The following UBE2D1 variants were observed in gnomAD, a reference collection of about 807,000 sequenced individuals.
The protein encoded by UBE2D1 is ubiquitin conjugating enzyme E2 D1, also known as ubiquitin-conjugating enzyme E2 D1.
Under a neutral mutation model 24.6 loss-of-function variants are expected in UBE2D1, and 9 were observed. That is an observed-to-expected ratio of 0.37 (90% CI 0.22 to 0.64). The LOEUF is 0.64. Ranked by LOEUF, UBE2D1 falls within the 30% of genes least tolerant of loss-of-function variation. The pLI is 0.64. For missense variants in UBE2D1, 87 were observed against 177.1 expected, an observed-to-expected ratio of 0.49 and a Z score of 2.89; for synonymous variants, 57 against 57.6, an observed-to-expected ratio of 0.99 and a Z score of 0.04.
chr10:58,358,099 T>C (rs915248437), intron 1 of UBE2D1, among the ~76,000 whole-genome samples: 1 of 152,140 alleles, frequency 6.6e-6, no homozygotes, highest in Non-Finnish European at 1.5e-5. Context: ...AATTTGAATA[T>C]GGTTCAAGGC....
At chr10:58,362,332 G>A (rs925826958) in intron 3 of UBE2D1, among the ~76,000 whole-genome samples, 1 of 152,058 alleles carries the variant, frequency 6.6e-6, no homozygotes, top group African/African-American at 2.4e-5. Flanking sequence ...ACGACCTTGT[G>A]TTTAACTTTA....
intron 3 of UBE2D1, among the ~76,000 whole-genome samples, 170 bp downstream of exon 3, chr10:58,361,696 C>G (rs576558437): frequency 6.6e-6 from 1 of 152,016 alleles, no homozygotes; most frequent in South Asian, 2.1e-4. Context: ...GCATTGGTGG[C>G]AAATATTTCC....
chr10:58,355,006 A>C (rs1211280658), intron 1 of UBE2D1, among the ~76,000 whole-genome samples: 3 of 152,224 alleles, frequency 2.0e-5, no homozygotes, highest in African/African-American at 7.2e-5. Context: ...ATCTCGTTAT[A>C]GTCAAGCTTA....
intron 1 of UBE2D1, among the ~76,000 whole-genome samples, chr10:58,352,226 A>G (rs1840084513): frequency 6.6e-6 from 1 of 152,058 alleles, no homozygotes; most frequent in Non-Finnish European, 1.5e-5. Flanking sequence ...TTCCACATCA[A>G]AAGTGGAAGC....
chr10:58,363,710 G>A (rs758394719), intron 4 of UBE2D1, 24 bp downstream of exon 4: 2 of 1,511,518 alleles, frequency 1.3e-6, no homozygotes, highest in Admixed American at 1.7e-5. Flanking sequence ...TATGATTGAT[G>A]TGACTCCCAT....
chr10:58,336,783 A>G, intron 1 of UBE2D1, among the ~76,000 whole-genome samples: 1 of 152,176 alleles, frequency 6.6e-6, no homozygotes, highest in East Asian at 1.9e-4. Context: ...CTTCTTTCCT[A>G]GTTGTGAGAA....
At chr10:58,346,822 G>A (rs1169007791) in intron 1 of UBE2D1, among the ~76,000 whole-genome samples, 1 of 152,188 alleles carries the variant, frequency 6.6e-6, no homozygotes, top group Non-Finnish European at 1.5e-5. Context: ...TAGGAGGACA[G>A]TAGGTAAGTT....
At chr10:58,347,470 C>T (rs937624088) in intron 1 of UBE2D1, among the ~76,000 whole-genome samples, 11 of 151,998 alleles carry the variant, frequency 7.2e-5, no homozygotes, top group African/African-American at 1.9e-4. Flanking sequence ...ATCAAGAGTC[C>T]GCCATCTAAA....
chr10:58,359,917 A>G (rs1281279511), intron 1 of UBE2D1, among the ~76,000 whole-genome samples: 3 of 152,076 alleles, frequency 2.0e-5, no homozygotes, highest in Admixed American at 6.5e-5. Context: ...TACCACTTCT[A>G]TCTTGTTGCC....
At position 58,335,370 on chromosome 10, in the gene UBE2D1, G is replaced by C. The variant is rs776154002; in HGVS notation, c.24+145G>C. The C allele has an allele frequency of 1.3e-3, 1,335 of 1,026,352 alleles. 5 individuals carry two copies. The highest frequency in any genetic ancestry group is 1.6e-3 in the Non-Finnish European group (1,229 of 745,496). The allele number at this position is 1,026,352 out of a possible 1,614,324, so 63.6% of individuals were successfully genotyped here. A position where few individuals can be genotyped will look rare whatever the true frequency, so the allele number is the denominator to read the frequency against. On this transcript the variant is annotated intron_variant, in intron 1 of 6. Coordinates refer to ENST00000373910, the MANE Select transcript of UBE2D1 (RefSeq NM_003338.5). ...GGGCAGGGAGCTGAAGGCTCGGGCC[G>C]GGCCAGCGGGCATCGGACAGGTGAG... is the stretch of plus-strand genomic sequence containing the variant.
At chr10:58,363,292 A>G (rs1840220476) in intron 3 of UBE2D1, among the ~76,000 whole-genome samples, 1 of 152,120 alleles carries the variant, frequency 6.6e-6, no homozygotes, top group Non-Finnish European at 1.5e-5. Flanking sequence ...ATCTTTAACA[A>G]TTTGTACTCA....
intron 1 of UBE2D1, among the ~76,000 whole-genome samples, chr10:58,350,889 T>C (rs1180807508): frequency 6.6e-6 from 1 of 152,230 alleles, no homozygotes; most frequent in African/African-American, 2.4e-5. Context: ...CTATATAGTG[T>C]AGTCTGTTGC....
intron 5 of UBE2D1, among the ~76,000 whole-genome samples, chr10:58,366,325 G>T (rs549366573): frequency 2.0e-5 from 3 of 152,274 alleles, no homozygotes; most frequent in African/African-American, 7.2e-5. Context: ...TAAGTAAAAT[G>T]GGGATTCTTA....
rs962417822 is a variant in UBE2D1, at chr10:58,335,014, G to C, written c.-188G>C. On this transcript the variant is annotated 5_prime_UTR_variant, in exon 1 of 7. Coordinates refer to ENST00000373910, the MANE Select transcript of UBE2D1 (RefSeq NM_003338.5). ...CGCCGGCGTCCCCGCCCGCACACTC[G>C]CGCACACTCGCGCTCGGGCGCACAC... is the stretch of plus-strand genomic sequence containing the variant. 12 of 572,416 alleles carry C rather than the reference G, an allele frequency of 2.1e-5. No homozygotes were observed. The highest frequency in any genetic ancestry group is 4.6e-4 in the Middle Eastern group (1 of 2,180). 35.5% of individuals were successfully genotyped at this position (572,416 alleles called of 1,614,324 possible).
chr10:58,352,241 T>C (rs1211082195), intron 1 of UBE2D1, among the ~76,000 whole-genome samples: 1 of 152,074 alleles, frequency 6.6e-6, no homozygotes, highest in East Asian at 1.9e-4. Flanking sequence ...GGAAGCACTT[T>C]TGTTTGCCTG....
intron 1 of UBE2D1, among the ~76,000 whole-genome samples, chr10:58,354,796 C>T (rs1840113530): frequency 1.3e-5 from 2 of 152,102 alleles, no homozygotes; most frequent in Admixed American, 6.6e-5. Context: ...GATAGTACCA[C>T]TGTACTCCAG....
At chr10:58,349,969 C>T (rs1280758593) in intron 1 of UBE2D1, among the ~76,000 whole-genome samples, 1 of 152,114 alleles carries the variant, frequency 6.6e-6, no homozygotes, top group Non-Finnish European at 1.5e-5. Flanking sequence ...ATATTGTTGC[C>T]TGGAGCTGTA....
chr10:58,356,132 C>G (rs1840128849), intron 1 of UBE2D1, among the ~76,000 whole-genome samples: 1 of 151,758 alleles, frequency 6.6e-6, no homozygotes, highest in Non-Finnish European at 1.5e-5. Context: ...TTTTAAAATG[C>G]TTAAGAACCT....
At chr10:58,338,759 TATGTG>T (rs148144572) in intron 1 of UBE2D1, among the ~76,000 whole-genome samples, 7,575 of 152,156 alleles carry the variant, frequency 0.05, 344 homozygotes, top group African/African-American at 0.13. Context: ...ATACTAGCAT[TATGTG>T]ATGTGATGTG....
Sources: allele counts gnomAD v4.1 joint callset (sites outside exome capture counted in the v4.1 genomes callset), GRCh38; gene constraint gnomAD v4.1.1; transcripts MANE v1.5; gene names NCBI Gene and HGNC (gene_info 2026-07-23, HGNC 2026-07-21).